Variants in NRL observed in about 807,000 individuals in gnomAD.
NRL encodes the protein neural retina-specific leucine zipper protein.
In NRL, 16 loss-of-function variants were observed where a neutral mutation model predicts 12.5. That is an observed-to-expected ratio of 1.28 (90% CI 0.87 to 1.95). The LOEUF is 1.95. Among genes scored for constraint, NRL ranks in the 30% most tolerant of loss-of-function variants. The pLI is 0.00. For missense variants in NRL, 314 were observed against 325.8 expected (o/e 0.96, Z 0.28); for synonymous variants, 142 against 150.9 (o/e 0.94, Z 0.43).
chr14:24,106,691 A>G (rs2037343202), intron 1 of NRL, among the ~76,000 whole-genome samples: 1 of 151,854 alleles, frequency 6.6e-6, no homozygotes, highest in Non-Finnish European at 1.5e-5. Context: ...ACTGCACTCC[A>G]GCCTAGGCGA....
chr14:24,089,088 G>A (rs1036647577), intron 1 of NRL, among the ~76,000 whole-genome samples: 3 of 151,722 alleles, frequency 2.0e-5, no homozygotes, highest in African/African-American at 7.3e-5. Flanking sequence ...ACAGGCGTGA[G>A]CCACTGCGCC....
chr14:24,102,660 A>G (rs1195182813), intron 1 of NRL: 1 of 1,170,654 alleles, frequency 8.5e-7, no homozygotes, highest in Non-Finnish European at 1.2e-6. Context: ...GCAAAAAAAA[A>G]AAAAGAACCC....
intron 1 of NRL, among the ~76,000 whole-genome samples, chr14:24,087,709 C>A (rs1249303347): frequency 2.6e-5 from 4 of 152,156 alleles, no homozygotes; most frequent in African/African-American, 7.2e-5. Context: ...CATTAGCGAC[C>A]CCTCAGTAAC....
rs1397337448 is a variant in NRL at position 24,081,491 on chromosome 14, C to T, written c.459G>A (p.Gly153=). ...RELNRQLRGC[G]RDEALRLKQR... ...GCTTCAGCCGCAGCGCCTCGTCGCG[C>T]CCGCAGCCCCGCAGCTGCCGGTTTA... The change falls in exon 3 of 3, where the codon GGG becomes GGA. Residue 153 remains glycine, a synonymous_variant. Transcript: ENST00000561028. This position sits in a 1 kb window ranked among gnomAD's most constrained non-coding sequence, Gnocchi z 4.4. 3.1e-6 allele frequency: 5 copies of T among 1,596,822 alleles called. No individual in the cohort carries two copies. Among genetic ancestry groups the T allele is most frequent in the Non-Finnish European group, 4.3e-6 (5 of 1,174,126 alleles).
Position 24,099,091 on chromosome 14 carries a change from T to TA in NRL, c.-28+15630_-28+15631insT, listed in dbSNP as rs753867230. On this transcript the variant is annotated intron_variant, in intron 1 of 2. Coordinates refer to ENST00000561028, the MANE Select transcript of NRL (RefSeq NM_001354768.3). The stretch of plus-strand genomic sequence containing the variant: ...TGGCCGTGCAACCCAGAGAAAACCC[T>TA]GATTGGCCACGTGCCCGACCAGCGG... 7.9e-4 allele frequency: 1,271 copies of TA among 1,610,930 alleles called. 1 individual carries two copies. Among genetic ancestry groups the TA allele is most frequent in the Non-Finnish European group, 9.9e-4 (1,172 of 1,178,118 alleles).
chr14:24,099,477 A>C, intron 1 of NRL: 1 of 1,328,766 alleles, frequency 7.5e-7, no homozygotes, highest in Non-Finnish European at 1.0e-6. Context: ...TCCCTATTAG[A>C]CCCTAGCTGC....
At chr14:24,092,051 G>A (rs557805649) in intron 1 of NRL, among the ~76,000 whole-genome samples, 5 of 152,330 alleles carry the variant, frequency 3.3e-5, no homozygotes, top group African/African-American at 9.6e-5. Flanking sequence ...GTCCACATAT[G>A]TAAAATATAG....
rs576841649 is a variant in NRL, at chr14:24,081,525, A to T, written c.425T>A (p.Val142Glu). 4.4e-6 allele frequency: 7 copies of T among 1,604,466 alleles called. No individual in the cohort carries two copies. Among genetic ancestry groups the T allele is most frequent in the Non-Finnish European group, 5.9e-6 (7 of 1,177,006 alleles). Residue 142 changes from valine (V) to glutamate (E), a missense_variant, in exon 3 of 3, where the codon GTG (valine) becomes GAG (glutamate). Val to Glu is a moderately radical substitution (Grantham distance 121, BLOSUM62 -2). Transcript: ENST00000561028. This position sits in a 1 kb window ranked among gnomAD's most constrained non-coding sequence, Gnocchi z 4.4. ...CCGCAGCTGCCGGTTTAGCTCCCGC[A>T]CAGACATCGAGACCAGCGCCGCGTC... ...FSDAALVSMSVRELNRQLRGC... is the reference protein window; with the variant it reads ...FSDAALVSMSERELNRQLRGC...
In NRL at chr14:24,081,048, A is replaced by T; in HGVS notation, c.*188T>A. On this transcript the variant is annotated 3_prime_UTR_variant, in exon 3 of 3. Coordinates refer to ENST00000561028, the MANE Select transcript of NRL (RefSeq NM_001354768.3). The surrounding 1 kb of genome is among the most constrained non-coding windows in gnomAD (Gnocchi z 4.4). ...GTAAGGGGAGGGGACCCCTCTCCAG[A>T]AAATGACCAGCATCTAAATTCGGGC... is the stretch of plus-strand genomic sequence containing the variant. 2.4e-6 allele frequency: 1 copy of T among 416,376 alleles called. No homozygotes were observed. Among genetic ancestry groups the T allele is most frequent in the Non-Finnish European group, 4.1e-6 (1 of 241,862 alleles). 25.8% of individuals were successfully genotyped at this position (416,376 alleles called of 1,614,324 possible). A position where few individuals can be genotyped will look rare whatever the true frequency, so the allele number is the denominator to read the frequency against.
chr14:24,098,783 C>A, intron 1 of NRL: 2 of 961,394 alleles, frequency 2.1e-6, no homozygotes, highest in East Asian at 2.6e-5. Flanking sequence ...TCCTCTCTGG[C>A]AACCTAATTC....
intron 1 of NRL, chr14:24,100,394 G>C: frequency 7.4e-7 from 1 of 1,346,348 alleles, no homozygotes; most frequent in South Asian, 1.6e-5. Flanking sequence ...ACCAGTCACT[G>C]GTTTTGTGAT....
rs546054051 is a variant in NRL at position 24,090,874 on chromosome 14, G to T, written c.-27-7999C>A. On this transcript the variant is annotated intron_variant, in intron 1 of 2. Coordinates refer to ENST00000561028, the MANE Select transcript of NRL (RefSeq NM_001354768.3). ...TAGAGAAGAAAGTAATGGTGGGGAA[G>T]AAGAATTCAGAAACGTGGCACTCAT... Among the ~76,000 whole-genome samples, 31 of 152,344 alleles carry T rather than the reference G, an allele frequency of 2.0e-4. 1 individual carries two copies. Among genetic ancestry groups the T allele is most frequent in the African/African-American group, 6.3e-4 (26 of 41,580 alleles).
At chr14:24,098,178 T>A in intron 1 of NRL, 1 of 1,571,640 alleles carries the variant, frequency 6.4e-7, no homozygotes, top group Non-Finnish European at 8.7e-7. Context: ...GGCCACCATC[T>A]TCCTGACAAT....
chr14:24,104,163 C>T, intron 1 of NRL: 1 of 582,846 alleles, frequency 1.7e-6, no homozygotes, highest in Non-Finnish European at 3.1e-6. Flanking sequence ...CACCTATCTT[C>T]ACAGGCTTCC....
rs1348087174 is a variant in NRL at position 24,081,718 on chromosome 14, G to T, written c.382-150C>A. On this transcript the variant is annotated intron_variant, in intron 2 of 2. Transcript: ENST00000561028. The surrounding 1 kb of genome is among the most constrained non-coding windows in gnomAD (Gnocchi z 4.4). ...CTCGCCCTTCCACGCAGTCTGTTTC[G>T]GTCCAGAGCCCGCCCCAGGCCCCGA... 1 of 1,523,662 alleles carries T rather than the reference G, an allele frequency of 6.6e-7. No individual in the cohort carries two copies. Among genetic ancestry groups the T allele is most frequent in the Admixed American group, 2.0e-5 (1 of 50,138 alleles). 94.4% of individuals were successfully genotyped at this position (1,523,662 alleles called of 1,614,324 possible).
intron 1 of NRL, chr14:24,099,678 T>C (rs1229361118): frequency 1.2e-6 from 2 of 1,612,912 alleles, no homozygotes; most frequent in African/African-American, 2.7e-5. Context: ...GAAAGTGGAG[T>C]GTGTGGGGGA....
intron 1 of NRL, among the ~76,000 whole-genome samples, chr14:24,090,276 G>A (rs1390344186): frequency 1.6e-5 from 2 of 126,422 alleles, no homozygotes; most frequent in South Asian, 3.2e-4. Flanking sequence ...GGGGGGGGGG[G>A]GGGGGCACGG....
At position 24,098,209 on chromosome 14, in the gene NRL, G is replaced by A. The variant is rs372829301; in HGVS notation, c.-27-15334C>T. Reference sequence around the variant, plus strand: ...ACAATCCCCTCTCCCCCAGCTGGCTGGCCCGCACAGACCCCAAGGATGTGG... The same window carrying A: ...ACAATCCCCTCTCCCCCAGCTGGCTAGCCCGCACAGACCCCAAGGATGTGG... On this transcript the variant is annotated intron_variant, in intron 1 of 2. Transcript: ENST00000561028. 5.6e-6 allele frequency: 9 copies of A among 1,606,620 alleles called. No homozygotes were observed. In the African/African-American group the frequency reaches 1.2e-4, roughly 21 times the overall value.
intron 1 of NRL, chr14:24,098,656 G>A: frequency 1.2e-6 from 2 of 1,613,878 alleles, no homozygotes; most frequent in East Asian, 4.5e-5. Context: ...TGCACTCCGT[G>A]GGCCAGCCCC....
Sources: gnomAD v4.1 joint callset for allele counts (sites outside exome capture counted in the v4.1 genomes callset) on GRCh38, gnomAD v4.1.1 for gene constraint, Gnocchi (gnomAD v3.1) non-coding constraint, MANE v1.5 for transcripts, NCBI Gene and HGNC (gene_info 2026-07-23, HGNC 2026-07-21) for gene names.